The following KCNH8 variants were observed in gnomAD, a reference collection of about 807,000 sequenced individuals.
The protein encoded by KCNH8 is voltage-gated delayed rectifier potassium channel KCNH8.
Under a neutral mutation model 103.6 loss-of-function variants are expected in KCNH8, and 70 were observed. The observed-to-expected ratio is 0.68, with a 90% CI of 0.56 to 0.82. The LOEUF is 0.82. KCNH8 is among the 40% of genes least tolerant of loss of function. The pLI is 0.00. For missense variants in KCNH8, 1,217 were observed against 1,329.9 expected, an observed-to-expected ratio of 0.92 and a Z score of 1.32; for synonymous variants, 498 against 489.4, an observed-to-expected ratio of 1.02 and a Z score of -0.23.
chr3:19,524,043 C>A (rs1197713294), intron 15 of KCNH8, among the ~76,000 whole-genome samples: 2 of 151,780 alleles, frequency 1.3e-5, no homozygotes, highest in Middle Eastern at 3.2e-3. Flanking sequence ...TGCTTTACTA[C>A]TTTTCTAAAT....
At chr3:19,469,145 A>C (rs80213605) in intron 11 of KCNH8, among the ~76,000 whole-genome samples, 2,833 of 152,292 alleles carry the variant, frequency 0.019, 118 homozygotes, top group African/African-American at 0.064. Context: ...AACATAATTA[A>C]TTCTTCACTT....
intron 7 of KCNH8, among the ~76,000 whole-genome samples, chr3:19,411,353 A>G (rs1317141191): frequency 6.6e-6 from 1 of 152,130 alleles, no homozygotes; most frequent in Non-Finnish European, 1.5e-5. Context: ...CTAGGCATCA[A>G]AAGAACACAT....
intron 7 of KCNH8, among the ~76,000 whole-genome samples, chr3:19,420,038 T>A (rs2125155713): frequency 1.3e-5 from 2 of 152,280 alleles, no homozygotes; most frequent in South Asian, 4.1e-4. Flanking sequence ...CTGTACTTAC[T>A]ATCATTGAAA....
chr3:19,497,124 A>C (rs545378752), intron 11 of KCNH8, among the ~76,000 whole-genome samples: 133 of 152,052 alleles, frequency 8.7e-4, no homozygotes, highest in African/African-American at 3.1e-3. Flanking sequence ...AATTGTGTTT[A>C]TTTGGCTCTT....
At chr3:19,280,445 C>A (rs2064740812) in intron 2 of KCNH8, among the ~76,000 whole-genome samples, 1 of 152,082 alleles carries the variant, frequency 6.6e-6, no homozygotes, top group South Asian at 2.1e-4. Flanking sequence ...CCCAAAGTAA[C>A]CGTTAACCTG....
At chr3:19,326,605 T>A (rs2065428487) in intron 3 of KCNH8, among the ~76,000 whole-genome samples, 1 of 151,926 alleles carries the variant, frequency 6.6e-6, no homozygotes. Flanking sequence ...CAGAGAGTAT[T>A]TATATTTTAA....
intron 11 of KCNH8, among the ~76,000 whole-genome samples, chr3:19,477,234 T>A (rs1445025544): frequency 6.6e-6 from 1 of 152,114 alleles, no homozygotes; most frequent in Non-Finnish European, 1.5e-5. Flanking sequence ...GAGATAATCA[T>A]CACCCAGCTA....
chr3:19,341,052 G>T (rs2065652983), intron 3 of KCNH8, among the ~76,000 whole-genome samples: 1 of 152,122 alleles, frequency 6.6e-6, no homozygotes, highest in Non-Finnish European at 1.5e-5. Context: ...CATTGGAATG[G>T]TTCTAGGGTT....
chr3:19,317,076 A>G (rs1456096855), intron 3 of KCNH8, among the ~76,000 whole-genome samples: 1 of 151,364 alleles, frequency 6.6e-6, no homozygotes, highest in Non-Finnish European at 1.5e-5. Flanking sequence ...ATTCTTTCAC[A>G]CTCAAGATAT....
chr3:19,229,246 C>T (rs1037434279), intron 1 of KCNH8, among the ~76,000 whole-genome samples: 5 of 152,254 alleles, frequency 3.3e-5, no homozygotes, highest in African/African-American at 7.2e-5. Context: ...CTTCTCACAG[C>T]TCCACTAGGT....
At chr3:19,402,900 G>T (rs901807109) in intron 7 of KCNH8, among the ~76,000 whole-genome samples, 4 of 151,698 alleles carry the variant, frequency 2.6e-5, no homozygotes, top group African/African-American at 7.3e-5. Context: ...CCACATTCTC[G>T]TTAGTCATTT....
chr3:19,257,500 T>C (rs1372957349), intron 2 of KCNH8, among the ~76,000 whole-genome samples: 2 of 149,974 alleles, frequency 1.3e-5, no homozygotes, highest in Admixed American at 1.3e-4. Context: ...ATATCAACTT[T>C]AATATCAACA....
intron 3 of KCNH8, among the ~76,000 whole-genome samples, chr3:19,302,992 A>G (rs1278246677): frequency 6.6e-6 from 1 of 152,140 alleles, no homozygotes; most frequent in Non-Finnish European, 1.5e-5. Flanking sequence ...CTTTTATATC[A>G]TCTTATGATT....
intron 1 of KCNH8, among the ~76,000 whole-genome samples, chr3:19,164,999 G>A (rs1299643742): frequency 6.6e-6 from 1 of 152,120 alleles, no homozygotes; most frequent in South Asian, 2.1e-4. Flanking sequence ...TTAGGGGTGG[G>A]GGTCAGGATC....
chr3:19,338,001 G>C (rs1024048613), intron 3 of KCNH8, among the ~76,000 whole-genome samples: 1 of 38,200 alleles, frequency 2.6e-5, no homozygotes, highest in Middle Eastern at 0.021. Context: ...GAGAGAGGCG[G>C]GGGGGGGAGA....
chr3:19,199,438 A>G (rs1313606612), intron 1 of KCNH8, among the ~76,000 whole-genome samples: 1 of 151,974 alleles, frequency 6.6e-6, no homozygotes, highest in African/African-American at 2.4e-5. Context: ...TATGTATTTC[A>G]TCTTGTAATA....
intron 5 of KCNH8, among the ~76,000 whole-genome samples, chr3:19,366,741 C>T (rs1574973213): frequency 6.6e-6 from 1 of 152,064 alleles, no homozygotes; most frequent in East Asian, 1.9e-4. Flanking sequence ...TTTTCCATCT[C>T]AGTCCATGGT....
chr3:19,489,970 T>A (rs1294192502), intron 11 of KCNH8, among the ~76,000 whole-genome samples: 1 of 152,116 alleles, frequency 6.6e-6, no homozygotes, highest in African/African-American at 2.4e-5. Context: ...TTACCAAGTT[T>A]CAGATGTCCG....
chr3:19,181,668 A>G (rs1477917511), intron 1 of KCNH8, among the ~76,000 whole-genome samples: 1 of 152,204 alleles, frequency 6.6e-6, no homozygotes, highest in Non-Finnish European at 1.5e-5. Context: ...TTGAATAAGC[A>G]AATAGCAAAC....
Sources: gnomAD v4.1 joint callset for allele counts (sites outside exome capture counted in the v4.1 genomes callset) on GRCh38, gnomAD v4.1.1 for gene constraint, MANE v1.5 for transcripts, NCBI Gene and HGNC (gene_info 2026-07-23, HGNC 2026-07-21) for gene names.